Variants in KCNMB3 observed in about 807,000 individuals in gnomAD.
KCNMB3 encodes calcium-activated potassium channel subunit beta-3.
A neutral mutation model predicts 11.9 loss-of-function variants in KCNMB3; 18 were observed. That is an observed-to-expected ratio of 1.51 (90% CI 1.04 to 2.23). The LOEUF (loss-of-function observed/expected upper bound fraction) is 2.23. Ranked by LOEUF, KCNMB3 falls within the 30% of genes most tolerant of loss-of-function variation. KCNMB3 has a pLI of 0.00. For missense variants in KCNMB3, 247 were observed against 329.4 expected, an observed-to-expected ratio of 0.75 and a Z score of 1.94; for synonymous variants, 78 against 119.2, an observed-to-expected ratio of 0.65 and a Z score of 2.25.
At chr3:179,258,294 G>A (rs1289079712) in intron 1 of KCNMB3, among the ~76,000 whole-genome samples, 1 of 152,176 alleles carries the variant, frequency 6.6e-6, no homozygotes, top group Admixed American at 6.5e-5. Flanking sequence ...AAATGAATTT[G>A]ATACATCATC....
At chr3:179,262,002 T>TA (rs774795537) in intron 1 of KCNMB3, among the ~76,000 whole-genome samples, 3 of 152,224 alleles carry the variant, frequency 2.0e-5, no homozygotes, top group Non-Finnish European at 4.4e-5. Flanking sequence ...TAACACTGAT[T>TA]AAAGGCTCAA....
intron 1 of KCNMB3, among the ~76,000 whole-genome samples, chr3:179,262,616 A>G (rs113000836): frequency 0.14 from 21,101 of 152,208 alleles, 1,579 homozygotes; most frequent in Non-Finnish European, 0.18. Flanking sequence ...ATCTGGCCCC[A>G]CCCACATCCT....
In KCNMB3 at chr3:179,257,447, A is replaced by G. The variant is rs991673478; in HGVS notation, c.63-6513T>C. Among the ~76,000 whole-genome samples the G allele has an allele frequency of 3.9e-5, 6 of 152,352 alleles. 1 individual carries two copies. In the Middle Eastern group the frequency reaches 0.01, roughly 259 times the overall value. On this transcript the variant is annotated intron_variant, in intron 1 of 3. Transcript: ENST00000349697. Reference sequence around the variant, plus strand: ...GATTTTATATTTTACAATTAAATCTAACTTTACAATTATTTTTAAATGTTT... The same window carrying G: ...GATTTTATATTTTACAATTAAATCTGACTTTACAATTATTTTTAAATGTTT...
intron 2 of KCNMB3, among the ~76,000 whole-genome samples, chr3:179,243,861 G>T (rs1225997943): frequency 6.6e-6 from 1 of 152,060 alleles, no homozygotes; most frequent in Non-Finnish European, 1.5e-5. Flanking sequence ...ATATCCATTA[G>T]GTACTTGAGG....
chr3:179,254,607 G>A (rs1178297101), upstream of KCNMB3, among the ~76,000 whole-genome samples: 2 of 151,966 alleles, frequency 1.3e-5, no homozygotes, highest in Non-Finnish European at 2.9e-5. Flanking sequence ...TCAGGAGATC[G>A]AGACCATCCT....
chr3:179,257,133 A>T (rs1726035807), intron 1 of KCNMB3, among the ~76,000 whole-genome samples: 1 of 152,242 alleles, frequency 6.6e-6, no homozygotes, highest in South Asian at 2.1e-4. Context: ...ACTGCACTCC[A>T]GCCTCAGTGA....
At chr3:179,245,796 G>C (rs1725621761) in intron 1 of KCNMB3, among the ~76,000 whole-genome samples, 1 of 152,182 alleles carries the variant, frequency 6.6e-6, no homozygotes, top group South Asian at 2.1e-4. Context: ...ACGGCTCCTG[G>C]TCTGAATTAA....
chr3:179,254,759 G>A (rs1010231778), upstream of KCNMB3, among the ~76,000 whole-genome samples: 3 of 152,188 alleles, frequency 2.0e-5, no homozygotes, highest in East Asian at 1.9e-4. Context: ...CCAAGATTGC[G>A]CCACTGCACT....
chr3:179,259,645 C>A, intron 1 of KCNMB3: 1 of 1,609,312 alleles, frequency 6.2e-7, no homozygotes, highest in Admixed American at 1.7e-5. Context: ...TCACTTAAAT[C>A]TGTGTTCTGA....
chr3:179,259,030 T>A (rs1324718881), intron 1 of KCNMB3: 7 of 1,613,660 alleles, frequency 4.3e-6, no homozygotes, highest in Non-Finnish European at 5.9e-6. Flanking sequence ...TAGGACATGG[T>A]ACGGTCTTCT....
At chr3:179,245,296 G>A (rs2108440174) in intron 1 of KCNMB3, among the ~76,000 whole-genome samples, 1 of 152,186 alleles carries the variant, frequency 6.6e-6, no homozygotes, top group Non-Finnish European at 1.5e-5. Context: ...ACAATTTCTG[G>A]CAACAAGGTA....
chr3:179,250,828 C>T lies in KCNMB3; in HGVS notation c.163G>A (p.Val55Met), dbSNP rs755395605. 2.3e-5 allele frequency: 37 copies of T among 1,614,070 alleles called. No individual in the cohort carries two copies. Among genetic ancestry groups the T allele is most frequent in the African/African-American group, 9.3e-5 (7 of 74,934 alleles). The change falls in exon 1 of 3, where the codon GTG becomes ATG. Residue 55 changes from valine (V) to methionine (M), a missense_variant. This residue lies in a region of KCNMB3 where 160 missense variants were observed against 157.5 expected (regional missense o/e 1.02). Transcript: ENST00000392685. ...CCCATCATGGCAAACCCCAGCATCA[C>T]GGCTCGGTCCTCTCCAGCACTGGAT... ...LPSSAGEDRA[V>M]MLGFAMMGFS...
chr3:179,261,512 C>G, intron 1 of KCNMB3, among the ~76,000 whole-genome samples: 1 of 152,060 alleles, frequency 6.6e-6, no homozygotes, highest in South Asian at 2.1e-4. Context: ...TGAGCCTGGC[C>G]GGGGGTGGAA....
In KCNMB3 at chr3:179,263,884, C is replaced by T. The variant is rs572763819; in HGVS notation, c.62+2765G>A. On this transcript the variant is annotated intron_variant, in intron 1 of 3. Coordinates refer to the KCNMB3 transcript ENST00000349697. Reference sequence around the variant, plus strand: ...GCAGTGGCATGATCTCAGCTCACTACAACCTCTGCTTCCCGGGTTCAAGCA... The same window carrying T: ...GCAGTGGCATGATCTCAGCTCACTATAACCTCTGCTTCCCGGGTTCAAGCA... 6.9e-5 allele frequency among the ~76,000 whole-genome samples: 9 copies of T among 130,342 alleles called. No homozygotes were observed. In the East Asian group the frequency reaches 2.5e-3, roughly 36 times the overall value. The allele number at this position is 130,342 out of a possible 152,430, so 85.5% of individuals were successfully genotyped here.
intron 1 of KCNMB3, among the ~76,000 whole-genome samples, chr3:179,263,529 C>T (rs960812950): frequency 1.3e-5 from 2 of 152,218 alleles, no homozygotes; most frequent in Non-Finnish European, 2.9e-5. Flanking sequence ...GCTGCCAGCA[C>T]GTTGTCACCT....
At chr3:179,265,330 A>G (rs2108461111) in intron 1 of KCNMB3, among the ~76,000 whole-genome samples, 1 of 152,312 alleles carries the variant, frequency 6.6e-6, no homozygotes, top group South Asian at 2.1e-4. Context: ...GGAAGTGAGT[A>G]ACATGATGAC....
At chr3:179,265,148 T>C (rs1275114010) in intron 1 of KCNMB3, among the ~76,000 whole-genome samples, 1 of 152,224 alleles carries the variant, frequency 6.6e-6, no homozygotes, top group East Asian at 1.9e-4. Context: ...AGTAATTCAT[T>C]TTAATTGTCT....
In KCNMB3 at chr3:179,266,038, A is replaced by G. The variant is rs150814382; in HGVS notation, c.62+611T>C. Among the ~76,000 whole-genome samples the G allele has an allele frequency of 1.7e-3, 266 of 152,204 alleles. 1 individual carries two copies. The highest frequency in any genetic ancestry group is 5.9e-3 in the African/African-American group (243 of 41,502). On this transcript the variant is annotated intron_variant, in intron 1 of 3. Transcript: ENST00000349697. ...GTGTAGAGCGTATACCCGGTATAAC[A>G]GTATAGTTTAGAGAGGATGTGGTAT...
chr3:179,261,256 G>T, intron 1 of KCNMB3: 1 of 1,312,908 alleles, frequency 7.6e-7, no homozygotes, highest in Non-Finnish European at 9.9e-7. Context: ...GGCTCTGCGT[G>T]GCCGCGGGGC....
Sources: gnomAD v4.1 joint callset for allele counts (sites outside exome capture counted in the v4.1 genomes callset) on GRCh38, gnomAD v4.1.1 for gene constraint, gnomAD v4.1.1 regional missense constraint, MANE v1.5 for transcripts, NCBI Gene and HGNC (gene_info 2026-07-23, HGNC 2026-07-21) for gene names.